The following ITGAM variants were observed in gnomAD, a reference collection of about 807,000 sequenced individuals.
The protein encoded by ITGAM is integrin subunit alpha M, also known as integrin alpha-M.
A neutral mutation model predicts 137.5 loss-of-function variants in ITGAM; 79 were observed. The observed-to-expected ratio is 0.57, with a 90% CI of 0.48 to 0.69. ITGAM has a LOEUF of 0.69. Ranked by LOEUF, ITGAM falls within the 30% of genes least tolerant of loss-of-function variation. ITGAM has a pLI of 0.00. For synonymous variants in ITGAM, 583 were observed against 592.3 expected (o/e 0.98, Z 0.23); for missense variants, 1,343 against 1,483.5 (o/e 0.91, Z 1.56).
rs1205270787 is a variant in ITGAM, at chr16:31,270,734, TATATATA to T, written c.428-219_428-213del. Among the ~76,000 whole-genome samples, 57 of 114,882 alleles carry T rather than the reference TATATATA, an allele frequency of 5.0e-4. 2 individuals carry two copies. The highest frequency in any genetic ancestry group is 7.4e-4 in the Non-Finnish European group (42 of 56,432). 75.4% of individuals were successfully genotyped at this position (114,882 alleles called of 152,430 possible). On this transcript the variant is annotated intron_variant, in intron 5 of 29. Transcript: ENST00000544665. The stretch of plus-strand genomic sequence containing the variant: ...ATATATATATATATATATATATATA[TATATATA>T]TATGTTTTTAACGTGTGTATACATA...
chr16:31,278,264 T>C (rs550646266), intron 12 of ITGAM, among the ~76,000 whole-genome samples, 155 bp downstream of exon 12: 2 of 152,296 alleles, frequency 1.3e-5, no homozygotes, highest in African/African-American at 4.8e-5. Context: ...TTAGCATTTG[T>C]GAATGCTGTG....
rs777436341 is a variant in ITGAM at position 31,271,073 on chromosome 16, T to C, written c.547T>C (p.Ser183Pro). Residue 183 changes from serine (S) to proline (P), a missense_variant, in exon 6 of 30, where the codon TCC becomes CCC. By Grantham distance (74) the Ser-to-Pro change is moderately conservative. Transcript: ENST00000544665. The part of the protein sequence containing the change: ...VSTVMEQLKK[S>P]KTLFSLMQYS... ...AACTGTGATGGAGCAATTAAAAAAG[T>C]CCAAAACCTTGGTGAGGGCCCAGGG... The C allele has an allele frequency of 1.3e-6, 2 of 1,570,878 alleles. No homozygotes were observed. The highest frequency in any genetic ancestry group is 8.7e-7 in the Non-Finnish European group (1 of 1,154,108).
intron 14 of ITGAM, among the ~76,000 whole-genome samples, chr16:31,316,811 AT>A (rs2080397516): frequency 6.6e-6 from 1 of 151,874 alleles, no homozygotes; most frequent in African/African-American, 2.4e-5. Context: ...TAGTGTGCAT[AT>A]TTTTCACCTT....
At position 31,270,991 on chromosome 16, in the gene ITGAM, T is replaced by G. The variant is rs745868817; in HGVS notation, c.465T>G (p.Ile155Met). 1 of 1,586,230 alleles carries G rather than the reference T, an allele frequency of 6.3e-7. No homozygotes were observed. Among genetic ancestry groups the G allele is most frequent in the East Asian group, 2.3e-5 (1 of 43,628 alleles). The change falls in exon 6 of 30, where the codon ATT (isoleucine) becomes ATG (methionine). Residue 155 changes from isoleucine to methionine, a missense_variant. Transcript: ENST00000544665. ...AGGATAGTGACATTGCCTTCTTGAT[T>G]GATGGCTCTGGTAGCATCATCCCAC... ...PQEDSDIAFL[I>M]DGSGSIIPHD...
In ITGAM at chr16:31,331,985, ATG is replaced by A. The variant is rs1491171782; in HGVS notation, c.*285_*286del. The A allele has an allele frequency of 8.3e-6, 4 of 483,644 alleles. No homozygotes were observed. The East Asian group carries it at 1.1e-4, about 14-fold the overall frequency. 30.0% of individuals were successfully genotyped at this position (483,644 alleles called of 1,614,324 possible). On this transcript the variant is annotated 3_prime_UTR_variant, in exon 30 of 30. Coordinates refer to ENST00000544665, the MANE Select transcript of ITGAM (RefSeq NM_000632.4). Reference sequence around the variant, plus strand: ...TGTCCAAGTGTGTGTGCGTGTGTCCATGTGTGTGCAAGTGTGTGCATGTGTGC... The same window carrying A: ...TGTCCAAGTGTGTGTGCGTGTGTCCATGTGTGCAAGTGTGTGCATGTGTGC...
At chr16:31,262,249 T>C (rs1342041525) in intron 2 of ITGAM, among the ~76,000 whole-genome samples, 1 of 150,642 alleles carries the variant, frequency 6.6e-6, no homozygotes, top group Non-Finnish European at 1.5e-5. Context: ...CTCCCTTCCT[T>C]CCTTCCTTCC....
intron 14 of ITGAM, 35 bp from the exon 15 acceptor site, chr16:31,321,206 C>A (rs2080445492): frequency 6.2e-7 from 1 of 1,611,608 alleles, no homozygotes; most frequent in African/African-American, 1.3e-5. Context: ...TCTTTCCTAC[C>A]CCTTTCTCTC....
At position 31,330,531 on chromosome 16, in the gene ITGAM, A is replaced by G. The variant is rs1238032308; in HGVS notation, c.3202A>G (p.Ser1068Gly). ...CTCGCATAACCACCTCCTGATCGTG[A>G]GCACAGCTGAGATCTTGTTTAACGA... is the stretch of plus-strand genomic sequence containing the variant. ...KTSHNHLLIV[S>G]TAEILFNDSV... The change falls in exon 28 of 30, where the codon AGC (serine) becomes GGC (glycine). Residue 1068 changes from serine to glycine, a missense_variant. Coordinates refer to ENST00000544665, the MANE Select transcript of ITGAM (RefSeq NM_000632.4). 2.5e-6 allele frequency: 4 copies of G among 1,613,588 alleles called. No homozygotes were observed. Among genetic ancestry groups the G allele is most frequent in the African/African-American group, 2.7e-5 (2 of 74,926 alleles).
intron 14 of ITGAM, among the ~76,000 whole-genome samples, chr16:31,302,458 C>CTTTCTTTCTTTCTTTCTTTCTTTCTTT (rs1567268024): frequency 7.1e-5 from 8 of 111,950 alleles, no homozygotes; most frequent in African/African-American, 2.8e-4. Flanking sequence ...TTTCTTCCTT[C>CTTTCTTTCTTTCTTTCTTTCTTTCTTT]CTTTCTTTCT....
At chr16:31,262,908 G>A (rs540830455) in intron 2 of ITGAM, among the ~76,000 whole-genome samples, 1 of 152,224 alleles carries the variant, frequency 6.6e-6, no homozygotes, top group South Asian at 2.1e-4. Context: ...CCCATGTTAT[G>A]CTTGCATTGC....
In ITGAM at chr16:31,302,749, C is replaced by G. The variant is rs1434897345; in HGVS notation, c.1707+4795C>G. On this transcript the variant is annotated intron_variant, in intron 14 of 29. Coordinates refer to ENST00000544665, the MANE Select transcript of ITGAM (RefSeq NM_000632.4). ...ACGGGGTTTCACCATGTTGGCCAGG[C>G]TGGTCTCGAACACCTGACCTTGTGA... Among the ~76,000 whole-genome samples the G allele has an allele frequency of 2.0e-5, 3 of 151,972 alleles. No homozygotes were observed. In the East Asian group the frequency reaches 5.8e-4, roughly 30 times the overall value.
chr16:31,307,443 CTGTT>C (rs775019562), intron 14 of ITGAM, among the ~76,000 whole-genome samples: 2 of 152,152 alleles, frequency 1.3e-5, no homozygotes, highest in African/African-American at 2.4e-5. Context: ...ATTTGGCTCT[CTGTT>C]TGTCTGTTAC....
intron 12 of ITGAM, among the ~76,000 whole-genome samples, chr16:31,296,271 AT>A (rs144795335): frequency 3.8e-4 from 54 of 143,934 alleles, no homozygotes; most frequent in Non-Finnish European, 3.3e-4. Context: ...TGCCCTGCTA[AT>A]TTTTTTTTTT....
rs1404905967 is a variant in ITGAM, at chr16:31,331,167, G to A, written c.3279G>A (p.Thr1093=). 12 of 1,597,252 alleles carry A rather than the reference G, an allele frequency of 7.5e-6. No individual in the cohort carries two copies. The highest frequency in any genetic ancestry group is 4.5e-5 in the East Asian group (2 of 44,722). ...GACGCCCCTCCTTCCTCCCCCAGAC[G>A]GAGACCAAAGTGGAGCCGTTCGAGG... ...PGQGAFVRSQ[T]ETKVEPFEVP... Residue 1093 remains threonine, a splice_region_variant and synonymous_variant, in exon 29 of 30, where the codon ACG becomes ACA. Transcript: ENST00000544665.
chr16:31,271,824 C>G (rs762332653), intron 6 of ITGAM, 23 bp from the exon 7 acceptor site: 1 of 1,613,620 alleles, frequency 6.2e-7, no homozygotes, highest in Non-Finnish European at 8.5e-7. Context: ...TCTCCAGCAT[C>G]ACACCAGCCG....
At chr16:31,265,193 T>C (rs1159768294) in intron 2 of ITGAM, among the ~76,000 whole-genome samples, 1 of 152,200 alleles carries the variant, frequency 6.6e-6, no homozygotes, top group African/African-American at 2.4e-5. Context: ...TTCTGGTTTT[T>C]GTGTCATTCT....
At chr16:31,296,135 C>G (rs1346323041) in intron 12 of ITGAM, among the ~76,000 whole-genome samples, 4 of 143,608 alleles carry the variant, frequency 2.8e-5, no homozygotes, top group Admixed American at 1.4e-4. Flanking sequence ...AACAGAGTCT[C>G]TCTGTGTTGC....
At chr16:31,282,702 C>T (rs2079983257) in intron 12 of ITGAM, among the ~76,000 whole-genome samples, 1 of 152,196 alleles carries the variant, frequency 6.6e-6, no homozygotes, top group Non-Finnish European at 1.5e-5. Context: ...TTAATTGGAG[C>T]ATTGAGCCCA....
Position 31,275,585 on chromosome 16 carries a change from G to A in ITGAM, c.895G>A (p.Glu299Lys). 1 of 1,613,984 alleles carries A rather than the reference G, an allele frequency of 6.2e-7. No individual in the cohort carries two copies. The highest frequency in any genetic ancestry group is 1.1e-5 in the South Asian group (1 of 91,076). Residue 299 changes from glutamate to lysine, a missense_variant, in exon 9 of 30, where the codon GAG (glutamate) becomes AAG (lysine). Physicochemically the swap from Glu to Lys is moderately conservative, Grantham distance 56 (BLOSUM62 1). Coordinates refer to ENST00000544665, the MANE Select transcript of ITGAM (RefSeq NM_000632.4). ...DAFRSEKSRQELNTIASKPPR... is the reference protein window; with the variant it reads ...DAFRSEKSRQKLNTIASKPPR... ...CTTCCGCAGTGAGAAATCCCGCCAA[G>A]AGCTTAATACCATCGCATCCAAGCC... is the stretch of plus-strand genomic sequence containing the variant.
Sources: gnomAD v4.1 joint callset for allele counts (sites outside exome capture counted in the v4.1 genomes callset) on GRCh38, gnomAD v4.1.1 for gene constraint, MANE v1.5 for transcripts, NCBI Gene and HGNC (gene_info 2026-07-23, HGNC 2026-07-21) for gene names.